GPRC6A: variants seen among roughly 807,000 people sequenced by gnomAD.
GPRC6A encodes G protein-coupled receptor family C group 6 member A.
A neutral mutation model predicts 47.0 loss-of-function variants in GPRC6A; 54 were observed. That is an observed-to-expected ratio of 1.15 (90% CI 0.92 to 1.44). GPRC6A has a LOEUF of 1.44. Ranked by LOEUF, GPRC6A falls within the 40% of genes most tolerant of loss-of-function variation. GPRC6A has a pLI of 0.00. For missense variants in GPRC6A, 1,112 were observed against 1,105.5 expected, an observed-to-expected ratio of 1.01 and a Z score of -0.08; for synonymous variants, 347 against 377.1, an observed-to-expected ratio of 0.92 and a Z score of 0.93.
rs118152062 is a variant in GPRC6A at position 116,798,831 on chromosome 6, C to T, written c.1548+1753G>A. Among the ~76,000 whole-genome samples the T allele has an allele frequency of 2.9e-4, 43 of 149,678 alleles. No individual in the cohort carries two copies. The East Asian group carries it at 6.3e-3, about 22-fold the overall frequency. On this transcript the variant is annotated intron_variant, in intron 4 of 5. Transcript: ENST00000310357. ...CTGGGAGGCGGAAGTTGCAGTGAGC[C>T]GAGATCACGCCACTGCATACTAGCC...
chr6:116,792,983 G>A lies in GPRC6A; in HGVS notation c.1940C>T (p.Thr647Met), dbSNP rs896498354. 13 of 1,613,940 alleles carry A rather than the reference G, an allele frequency of 8.1e-6. No homozygotes were observed. Among genetic ancestry groups the A allele is most frequent in the Admixed American group, 3.3e-5 (2 of 59,956 alleles). The stretch of plus-strand genomic sequence containing the variant: ...TTGTGGTTCTCCAATGAAAAAGCTC[G>A]TGCTGGCAAAATTGAGGAAATGACA... ...LLCHFLNFAS[T>M]SFFIGEPQDF... Residue 647 changes from threonine (T) to methionine (M), a missense_variant, in exon 6 of 6, where the codon ACG becomes ATG. By Grantham distance (81) the Thr-to-Met change is moderately conservative. Transcript: ENST00000310357.
At chr6:116,797,312 C>T (rs183613556) in intron 4 of GPRC6A, among the ~76,000 whole-genome samples, 13 of 152,178 alleles carry the variant, frequency 8.5e-5, no homozygotes, top group African/African-American at 2.9e-4. Context: ...TAAAGCCAGA[C>T]ATTGTTAGGG....
At chr6:116,825,629 G>C (rs777269960) in intron 1 of GPRC6A, among the ~76,000 whole-genome samples, 3 of 151,820 alleles carry the variant, frequency 2.0e-5, no homozygotes, top group Non-Finnish European at 4.4e-5. Flanking sequence ...GTGTTAAAAT[G>C]ACCATAATAC....
At position 116,806,995 on chromosome 6, in the gene GPRC6A, A is replaced by G. The variant is rs1772867569; in HGVS notation, c.710T>C (p.Val237Ala). Residue 237 changes from valine to alanine, a missense_variant, in exon 3 of 6, where the codon GTG (valine) becomes GCG (alanine). Transcript: ENST00000310357. ...TFIIQAEANN[V>A]CIAFKEVLPA... ...AAGAACCTCTTTGAAGGCTATGCAC[A>G]CGTTATTTGCTTCAGCCTGAATTAT... 1.4e-5 allele frequency: 22 copies of G among 1,613,724 alleles called. No homozygotes were observed. The East Asian group carries it at 3.8e-4, about 28-fold the overall frequency.
intron 2 of GPRC6A, among the ~76,000 whole-genome samples, chr6:116,808,896 T>C (rs1582464579): frequency 3.3e-5 from 5 of 152,254 alleles, no homozygotes; most frequent in African/African-American, 1.2e-4. Context: ...GGGAAATAAA[T>C]AGTTCTACAG....
At chr6:116,813,243 A>G (rs1306574517) in intron 1 of GPRC6A, among the ~76,000 whole-genome samples, 2 of 152,220 alleles carry the variant, frequency 1.3e-5, no homozygotes, top group Non-Finnish European at 2.9e-5. Flanking sequence ...TCTTCACAGA[A>G]TTGGAAAAAC....
chr6:116,803,867 A>G lies in GPRC6A; in HGVS notation c.1335+2503T>C, dbSNP rs115243581. 7.0e-3 allele frequency among the ~76,000 whole-genome samples: 1,062 copies of G among 152,188 alleles called. 15 individuals are homozygous for G. The highest frequency in any genetic ancestry group is 0.024 in the African/African-American group (1,010 of 41,538). ...TGTCTCACTTATGTACTTCTCTGCCATCTTGTGTTTATGTGAAACACTGTA... is the reference window on the plus strand; with the variant it reads ...TGTCTCACTTATGTACTTCTCTGCCGTCTTGTGTTTATGTGAAACACTGTA... On this transcript the variant is annotated intron_variant, in intron 3 of 5. Transcript: ENST00000310357.
chr6:116,821,670 A>G (rs1773486118), intron 1 of GPRC6A, among the ~76,000 whole-genome samples: 2 of 152,124 alleles, frequency 1.3e-5, no homozygotes, highest in Non-Finnish European at 2.9e-5. Flanking sequence ...TAGAAAGCTG[A>G]AACTGGATCC....
At chr6:116,793,302 A>C in intron 5 of GPRC6A, 52 bp from the exon 6 acceptor site, 1 of 1,259,976 alleles carries the variant, frequency 7.9e-7, no homozygotes, top group Non-Finnish European at 1.1e-6. Context: ...ACTAGGTGAT[A>C]GTCCACAATA....
At chr6:116,818,532 T>TCAAAAAAAAAAAAAAAAAAAAAA (rs1554263527) in intron 1 of GPRC6A, among the ~76,000 whole-genome samples, 1 of 15,504 alleles carries the variant, frequency 6.4e-5, no homozygotes, top group Non-Finnish European at 1.7e-4. Context: ...AGACTCCGTC[T>TCAAAAAAAAAAAAAAAAAAAAAA]AAAAAAAAAA....
At chr6:116,800,909 A>G in intron 3 of GPRC6A, 113 bp from the exon 4 acceptor site, 1 of 665,352 alleles carries the variant, frequency 1.5e-6, no homozygotes, top group Non-Finnish European at 2.6e-6. Flanking sequence ...GAGGGAAAAA[A>G]GATTATAAAT....
intron 1 of GPRC6A, among the ~76,000 whole-genome samples, chr6:116,821,776 T>A (rs1308423197): frequency 2.0e-5 from 3 of 151,498 alleles, no homozygotes; most frequent in Admixed American, 6.6e-5. Flanking sequence ...AACCTAGGCA[T>A]TACCATTCAG....
chr6:116,808,846 G>T (rs935301986), intron 2 of GPRC6A, among the ~76,000 whole-genome samples: 3 of 151,752 alleles, frequency 2.0e-5, no homozygotes, highest in Non-Finnish European at 4.4e-5. Context: ...TTTTTTCAGA[G>T]ATCTTTTTGC....
At chr6:116,823,645 G>T (rs9400964) in intron 1 of GPRC6A, among the ~76,000 whole-genome samples, 72,744 of 151,874 alleles carry the variant, frequency 0.48, 18,043 homozygotes, top group Middle Eastern at 0.6. Flanking sequence ...CTGGTACCAA[G>T]TTTCTGTATT....
At chr6:116,816,586 C>T (rs555680594) in intron 1 of GPRC6A, among the ~76,000 whole-genome samples, 46 of 152,276 alleles carry the variant, frequency 3.0e-4, no homozygotes, top group Middle Eastern at 3.4e-3. Context: ...GCATGAGCGA[C>T]GCAGAAGACG....
At chr6:116,811,967 A>G (rs1453636956) in intron 1 of GPRC6A, among the ~76,000 whole-genome samples, 4 of 152,218 alleles carry the variant, frequency 2.6e-5, no homozygotes, top group Non-Finnish European at 5.9e-5. Context: ...TAACAAAATA[A>G]TAGATAAAAA....
At chr6:116,794,217 A>G (rs1286643574) in intron 5 of GPRC6A, among the ~76,000 whole-genome samples, 1 of 152,156 alleles carries the variant, frequency 6.6e-6, no homozygotes, top group Non-Finnish European at 1.5e-5. Flanking sequence ...TCTCTTCTTT[A>G]TTAACCTCAA....
chr6:116,826,823 A>G (rs538412346), intron 1 of GPRC6A, among the ~76,000 whole-genome samples: 29 of 152,034 alleles, frequency 1.9e-4, no homozygotes, highest in Non-Finnish European at 3.5e-4. Context: ...AAGAATAGAT[A>G]AAGAAAATGT....
chr6:116,825,966 G>T (rs75522241), intron 1 of GPRC6A, among the ~76,000 whole-genome samples: 17,499 of 151,736 alleles, frequency 0.12, 1,300 homozygotes, highest in African/African-American at 0.21. Context: ...TCAATAAATC[G>T]TACAGGGAAA....
Sources: allele counts gnomAD v4.1 joint callset (sites outside exome capture counted in the v4.1 genomes callset), GRCh38; gene constraint gnomAD v4.1.1; transcripts MANE v1.5; gene names NCBI Gene and HGNC (gene_info 2026-07-23, HGNC 2026-07-21).